TMTC2: variants seen among roughly 807,000 people sequenced by gnomAD.
TMTC2 encodes transmembrane O-mannosyltransferase targeting cadherins 2.
A neutral mutation model predicts 82.4 loss-of-function variants in TMTC2; 43 were observed. The ratio of observed to expected loss-of-function variants is 0.52; its 90% CI spans 0.41 to 0.67. TMTC2 has a LOEUF of 0.67. Ranked by LOEUF, TMTC2 falls within the 30% of genes least tolerant of loss-of-function variation. The pLI is 0.00. For missense variants in TMTC2, 919 were observed against 1,012.4 expected, an observed-to-expected ratio of 0.91 and a Z score of 1.25; for synonymous variants, 408 against 381.9, an observed-to-expected ratio of 1.07 and a Z score of -0.80.
intron 1 of TMTC2, chr12:82,759,060 C>A (rs1876481441): frequency 6.6e-6 from 1 of 152,148 alleles, no homozygotes; most frequent in South Asian, 2.1e-4. Context: ...ATCAGACTTG[C>A]CTCACGGCTG....
chr12:82,784,859 C>G (rs1878095863), intron 1 of TMTC2, among the ~76,000 whole-genome samples: 1 of 151,856 alleles, frequency 6.6e-6, no homozygotes. Flanking sequence ...CTGAGTTTCA[C>G]TGATTTCCTT....
In TMTC2 at chr12:82,687,437, G is replaced by C; in HGVS notation, c.-150G>C. On this transcript the variant is annotated 5_prime_UTR_variant, in exon 1 of 12. Transcript: ENST00000321196. Reference sequence around the variant, plus strand: ...AGGAGGAGGAGAGGAGTCGTGGATTGGAAGGACCCGAGGGAGGGAGGGTGG... The same window carrying C: ...AGGAGGAGGAGAGGAGTCGTGGATTCGAAGGACCCGAGGGAGGGAGGGTGG... 1 of 710,068 alleles carries C rather than the reference G, an allele frequency of 1.4e-6. No individual in the cohort carries two copies. Among genetic ancestry groups the C allele is most frequent in the Non-Finnish European group, 2.4e-6 (1 of 421,244 alleles). The allele number at this position is 710,068 out of a possible 1,614,324, so 44.0% of individuals were successfully genotyped here.
chr12:82,768,562 A>G (rs1033502387), intron 1 of TMTC2, among the ~76,000 whole-genome samples: 1 of 152,054 alleles, frequency 6.6e-6, no homozygotes, highest in Non-Finnish European at 1.5e-5. Context: ...TTTTATTTAC[A>G]TCCCACAATG....
intron 7 of TMTC2, among the ~76,000 whole-genome samples, chr12:82,975,440 A>G (rs976630700): frequency 5.9e-5 from 9 of 152,212 alleles, no homozygotes; most frequent in African/African-American, 2.2e-4. Context: ...CCATATTCAA[A>G]TTAAACAAAG....
chr12:82,917,489 T>C (rs557164814), intron 3 of TMTC2, among the ~76,000 whole-genome samples: 1 of 152,246 alleles, frequency 6.6e-6, no homozygotes, highest in Non-Finnish European at 1.5e-5. Flanking sequence ...GGTTTCTTCT[T>C]CTATTAATAG....
chr12:82,897,751 C>T (rs1261257098), intron 3 of TMTC2, among the ~76,000 whole-genome samples: 2 of 152,082 alleles, frequency 1.3e-5, no homozygotes, highest in African/African-American at 4.8e-5. Flanking sequence ...GTCTCAACTC[C>T]TGACCTTAGG....
intron 4 of TMTC2, among the ~76,000 whole-genome samples, chr12:82,962,110 C>A (rs1877967550): frequency 6.6e-6 from 1 of 151,932 alleles, no homozygotes; most frequent in Non-Finnish European, 1.5e-5. Context: ...ACAGGGTTGT[C>A]CTAGTGTGGT....
intron 7 of TMTC2, among the ~76,000 whole-genome samples, chr12:82,979,743 G>T (rs954847536): frequency 6.6e-6 from 1 of 151,660 alleles, no homozygotes; most frequent in African/African-American, 2.4e-5. Context: ...TTTTCTTTCA[G>T]ATTGAAGGAC....
chr12:82,729,622 G>C (rs1055043306), intron 1 of TMTC2, among the ~76,000 whole-genome samples: 1 of 152,178 alleles, frequency 6.6e-6, no homozygotes, highest in African/African-American at 2.4e-5. Flanking sequence ...TCAGCACCCT[G>C]TGAAAACGGA....
intron 1 of TMTC2, among the ~76,000 whole-genome samples, chr12:82,781,624 C>T (rs1345575788): frequency 1.3e-5 from 2 of 151,264 alleles, no homozygotes; most frequent in African/African-American, 2.4e-5. Flanking sequence ...TTACTAATTA[C>T]GTATCATGCT....
intron 4 of TMTC2, among the ~76,000 whole-genome samples, chr12:82,956,044 C>T (rs184520806): frequency 1.7e-4 from 26 of 152,104 alleles, no homozygotes; most frequent in African/African-American, 2.4e-4. Flanking sequence ...CATTAAAATA[C>T]GTTCTTCCAC....
At chr12:83,060,221 C>G (rs955408894) in intron 10 of TMTC2, among the ~76,000 whole-genome samples, 1 of 151,686 alleles carries the variant, frequency 6.6e-6, no homozygotes, top group Admixed American at 6.6e-5. Flanking sequence ...TCTTTATAAC[C>G]TCTATTAAAA....
At chr12:83,047,965 C>A (rs1157312753) in intron 9 of TMTC2, among the ~76,000 whole-genome samples, 1 of 152,158 alleles carries the variant, frequency 6.6e-6, no homozygotes, top group Non-Finnish European at 1.5e-5. Context: ...TTATGGGTAT[C>A]ATTACTTAAT....
At chr12:83,078,468 G>A (rs542503514) in intron 11 of TMTC2, among the ~76,000 whole-genome samples, 37 of 152,144 alleles carry the variant, frequency 2.4e-4, no homozygotes, top group Admixed American at 7.8e-4. Flanking sequence ...GAAGAGAACC[G>A]AGAAGACTGA....
chr12:82,871,439 C>A (rs1156474068), intron 2 of TMTC2, among the ~76,000 whole-genome samples: 1 of 150,918 alleles, frequency 6.6e-6, no homozygotes, highest in African/African-American at 2.5e-5. Flanking sequence ...TACAAATAAT[C>A]TGTACTTGCA....
chr12:82,777,942 T>G (rs1877684078), intron 1 of TMTC2, among the ~76,000 whole-genome samples: 1 of 152,136 alleles, frequency 6.6e-6, no homozygotes, highest in Non-Finnish European at 1.5e-5. Flanking sequence ...GCCTGCTCTC[T>G]TTGTGGGGGC....
At chr12:83,128,739 C>G (rs1359469932) in intron 11 of TMTC2, among the ~76,000 whole-genome samples, 1 of 152,144 alleles carries the variant, frequency 6.6e-6, no homozygotes, top group Non-Finnish European at 1.5e-5. Flanking sequence ...ACTCCCTGGA[C>G]TATAGTCTGT....
At chr12:82,994,736 A>C (rs1241558036) in intron 8 of TMTC2, among the ~76,000 whole-genome samples, 1 of 152,162 alleles carries the variant, frequency 6.6e-6, no homozygotes, top group Non-Finnish European at 1.5e-5. Context: ...GGTGGTACAA[A>C]GACTAACAGC....
chr12:83,109,273 G>A (rs1285021207), intron 11 of TMTC2, among the ~76,000 whole-genome samples: 2 of 152,152 alleles, frequency 1.3e-5, no homozygotes, highest in Non-Finnish European at 2.9e-5. Flanking sequence ...AGAAAGAGAG[G>A]TGCCACATAC....
Sources: allele counts gnomAD v4.1 joint callset (sites outside exome capture counted in the v4.1 genomes callset), GRCh38; gene constraint gnomAD v4.1.1; transcripts MANE v1.5; gene names NCBI Gene and HGNC (gene_info 2026-07-23, HGNC 2026-07-21).